Variants in CFTR observed in about 807,000 individuals in gnomAD.
CFTR encodes the protein CF transmembrane conductance regulator.
In CFTR, 181 loss-of-function variants were observed where a neutral mutation model predicts 171.6. The ratio of observed to expected loss-of-function variants is 1.05; its 90% CI spans 0.93 to 1.19. CFTR has a LOEUF of 1.19. CFTR is among the 50% of genes most tolerant of loss of function. The probability of loss-of-function intolerance (pLI) is 0.00; values close to 1 mark genes in which losing one functional copy is unlikely to be tolerated. For synonymous variants in CFTR, 583 were observed against 608.0 expected, an observed-to-expected ratio of 0.96 and a Z score of 0.60; for missense variants, 1,968 against 1,734.7, an observed-to-expected ratio of 1.13 and a Z score of -2.39.
At chr7:117,569,045 T>C (rs1419834403) in intron 11 of CFTR, among the ~76,000 whole-genome samples, 1 of 152,186 alleles carries the variant, frequency 6.6e-6, no homozygotes, top group Non-Finnish European at 1.5e-5. Context: ...AGGGAATCTG[T>C]CTGGATCTAG....
chr7:117,596,373 C>T (rs1792125445), intron 15 of CFTR, among the ~76,000 whole-genome samples: 1 of 152,246 alleles, frequency 6.6e-6, no homozygotes, highest in Non-Finnish European at 1.5e-5. Context: ...GCCTGCCATG[C>T]CTGAGCCTCC....
In CFTR at chr7:117,652,800, T is replaced by C. The variant is rs747800253; in HGVS notation, c.3874-42T>C. 7 of 967,820 alleles carry C rather than the reference T, an allele frequency of 7.2e-6. No homozygotes were observed. In the South Asian group the frequency reaches 9.8e-5, roughly 14 times the overall value. The allele number at this position is 967,820 out of a possible 1,614,324, so 60.0% of individuals were successfully genotyped here. On this transcript the variant is annotated intron_variant, in intron 23 of 26. Coordinates refer to ENST00000003084, the MANE Select transcript of CFTR (RefSeq NM_000492.4). ...AATAAGGGAAAAATAAAAAGTTATTTAAGTTATTCATACTTTCTTCTTCTT... is the reference window on the plus strand; with the variant it reads ...AATAAGGGAAAAATAAAAAGTTATTCAAGTTATTCATACTTTCTTCTTCTT...
intron 22 of CFTR, among the ~76,000 whole-genome samples, chr7:117,629,729 G>A (rs920597458): frequency 6.6e-6 from 1 of 152,202 alleles, no homozygotes; most frequent in Non-Finnish European, 1.5e-5. Context: ...GAGGCCTCGT[G>A]AGAGAGCTTA....
At chr7:117,517,738 T>G (rs1170436776) in intron 3 of CFTR, among the ~76,000 whole-genome samples, 2 of 152,224 alleles carry the variant, frequency 1.3e-5, no homozygotes, top group Non-Finnish European at 2.9e-5. Context: ...GACTTTTTAA[T>G]GATCACCATT....
In CFTR at chr7:117,534,308, A is replaced by C; in HGVS notation, c.522A>C (p.Lys174Asn). Reference protein sequence around the residue: ...TLKLSSRVLDKISIGQLVSLL... With the variant: ...TLKLSSRVLDNISIGQLVSLL... ...AGCTGTCAAGCCGTGTTCTAGATAA[A>C]ATAAGTATTGGACAACTTGTTAGTC... Residue 174 changes from lysine (K) to asparagine (N), a missense_variant, in exon 5 of 27, where the codon AAA becomes AAC. Transcript: ENST00000003084. 2.5e-6 allele frequency: 4 copies of C among 1,604,288 alleles called. No individual in the cohort carries two copies. The highest frequency in any genetic ancestry group is 3.4e-6 in the Non-Finnish European group (4 of 1,171,592).
intron 21 of CFTR, among the ~76,000 whole-genome samples, chr7:117,615,772 T>C (rs1438696727): frequency 6.6e-6 from 1 of 151,954 alleles, no homozygotes; most frequent in Non-Finnish European, 1.5e-5. Context: ...TTTACTCATT[T>C]TTGTTTAAAA....
At chr7:117,654,798 GC>G (rs1466043808) in intron 24 of CFTR, among the ~76,000 whole-genome samples, 1 of 152,184 alleles carries the variant, frequency 6.6e-6, no homozygotes, top group African/African-American at 2.4e-5. Context: ...TAATACAGGA[GC>G]AAAGACTGCA....
At chr7:117,577,862 CAT>C (rs1791794288) in intron 11 of CFTR, among the ~76,000 whole-genome samples, 1 of 152,110 alleles carries the variant, frequency 6.6e-6, no homozygotes, top group South Asian at 2.1e-4. Context: ...ATATCTTCCA[CAT>C]GTGTTTTACT....
At chr7:117,574,749 C>T (rs1584804931) in intron 11 of CFTR, among the ~76,000 whole-genome samples, 1 of 152,108 alleles carries the variant, frequency 6.6e-6, no homozygotes, top group East Asian at 1.9e-4. Context: ...CTATTCCAAT[C>T]CATTCCCATA....
chr7:117,487,240 G>A (rs535237150), intron 1 of CFTR, among the ~76,000 whole-genome samples: 1 of 152,138 alleles, frequency 6.6e-6, no homozygotes, highest in African/African-American at 2.4e-5. Flanking sequence ...GATGTCTGAG[G>A]TGACAGTTTT....
At chr7:117,612,051 A>ATATATATG (rs1792414188) in intron 20 of CFTR, among the ~76,000 whole-genome samples, 1 of 69,962 alleles carries the variant, frequency 1.4e-5, no homozygotes, top group African/African-American at 7.1e-5. Flanking sequence ...ATATATATAT[A>ATATATATG]TACATATATA....
chr7:117,524,948 C>G (rs1798751070), intron 3 of CFTR, among the ~76,000 whole-genome samples: 1 of 152,180 alleles, frequency 6.6e-6, no homozygotes, highest in Non-Finnish European at 1.5e-5. Context: ...AACCATTCTT[C>G]TTTGATATAT....
chr7:117,503,808 C>G (rs1268450783), intron 1 of CFTR, among the ~76,000 whole-genome samples: 1 of 152,108 alleles, frequency 6.6e-6, no homozygotes, highest in Non-Finnish European at 1.5e-5. Flanking sequence ...GCTACAGTAA[C>G]AAAATTATAT....
chr7:117,590,538 T>C, intron 13 of CFTR, 99 bp downstream of exon 13: 1 of 1,399,980 alleles, frequency 7.1e-7, no homozygotes, highest in South Asian at 1.3e-5. Flanking sequence ...GAGAAATATG[T>C]TCACCATTGT....
At chr7:117,643,280 A>G (rs1297705874) in intron 23 of CFTR, among the ~76,000 whole-genome samples, 1 of 152,038 alleles carries the variant, frequency 6.6e-6, no homozygotes, top group Non-Finnish European at 1.5e-5. Context: ...TTTTGCTGGT[A>G]TTTTCTCTAG....
At chr7:117,617,896 T>C (rs1792518190) in intron 21 of CFTR, among the ~76,000 whole-genome samples, 1 of 152,164 alleles carries the variant, frequency 6.6e-6, no homozygotes, top group South Asian at 2.1e-4. Flanking sequence ...TTCATTTCAT[T>C]GTTCTCCTCA....
At chr7:117,569,533 G>A (rs968614162) in intron 11 of CFTR, among the ~76,000 whole-genome samples, 3 of 152,082 alleles carry the variant, frequency 2.0e-5, no homozygotes, top group Non-Finnish European at 2.9e-5. Context: ...ATACAAATGC[G>A]CTCAATCTGA....
intron 26 of CFTR, 66 bp from the exon 27 acceptor site, chr7:117,666,842 G>A (rs1209487640): frequency 2.1e-6 from 3 of 1,403,560 alleles, no homozygotes; most frequent in Non-Finnish European, 3.0e-6. Context: ...GCCTGTGCCA[G>A]TTTCTGTCCC....
At chr7:117,666,817 T>G in intron 26 of CFTR, 91 bp from the exon 27 acceptor site, 2 of 1,120,490 alleles carry the variant, frequency 1.8e-6, no homozygotes, top group Non-Finnish European at 2.7e-6. Flanking sequence ...TTCTTTGACT[T>G]TTATTTTCCT....
Sources: allele counts gnomAD v4.1 joint callset (sites outside exome capture counted in the v4.1 genomes callset), GRCh38; gene constraint gnomAD v4.1.1; transcripts MANE v1.5; gene names NCBI Gene and HGNC (gene_info 2026-07-23, HGNC 2026-07-21).